The following MAST4 variants were observed in gnomAD, a reference collection of about 807,000 sequenced individuals.
MAST4 encodes microtubule-associated serine/threonine-protein kinase 4.
MAST4 carries 89 observed loss-of-function variants against 162.7 expected under a neutral mutation model. That is an observed-to-expected ratio of 0.55 (90% CI 0.46 to 0.65). The LOEUF (loss-of-function observed/expected upper bound fraction) is 0.65. Ranked by LOEUF, MAST4 falls within the 30% of genes least tolerant of loss-of-function variation. The pLI, the probability that MAST4 is intolerant of heterozygous loss-of-function variation, is 0.00. For synonymous variants in MAST4, 1,479 were observed against 1,361.1 expected, an observed-to-expected ratio of 1.09 and a Z score of -1.91; for missense variants, 3,153 against 3,374.0, an observed-to-expected ratio of 0.93 and a Z score of 1.62.
rs192336661 is a variant in MAST4 at position 66,856,309 on chromosome 5, G to C, written c.643-43642G>C. ...ATGCAGGCCTCCCTGACTCCCGATT[G>C]TGTGGTGTAGGTGTCAGCTGCACTT... On this transcript the variant is annotated intron_variant, in intron 3 of 28. Transcript: ENST00000403625. Among the ~76,000 whole-genome samples the C allele has an allele frequency of 5.8e-4, 88 of 152,358 alleles. 1 individual carries two copies. The East Asian group carries it at 0.015, about 25-fold the overall frequency.
intron 1 of MAST4, among the ~76,000 whole-genome samples, chr5:66,607,445 G>A (rs1742965638): frequency 6.6e-6 from 1 of 152,152 alleles, no homozygotes; most frequent in Admixed American, 6.5e-5. Flanking sequence ...GTTGTATTCT[G>A]CCAGGATAAT....
intron 18 of MAST4, among the ~76,000 whole-genome samples, 190 bp downstream of exon 18, chr5:67,134,878 T>C (rs982245325): frequency 1.3e-5 from 2 of 152,138 alleles, no homozygotes. Flanking sequence ...TTGTTGAAAA[T>C]TGATCTGAAG....
At chr5:67,133,744 C>T in intron 17 of MAST4, 98 bp downstream of exon 17, 1 of 1,344,948 alleles carries the variant, frequency 7.4e-7, no homozygotes, top group Non-Finnish European at 1.0e-6. Flanking sequence ...CACATTAGTG[C>T]TGGTGGTTTA....
intron 1 of MAST4, among the ~76,000 whole-genome samples, chr5:66,609,974 AC>A (rs1743186173): frequency 6.6e-6 from 1 of 152,028 alleles, no homozygotes; most frequent in African/African-American, 2.4e-5. Context: ...TTATTGTCTC[AC>A]AGTTCTGGTG....
At chr5:66,750,936 C>T (rs569457121) in intron 1 of MAST4, among the ~76,000 whole-genome samples, 3 of 152,346 alleles carry the variant, frequency 2.0e-5, no homozygotes, top group Admixed American at 1.3e-4. Context: ...TCCCAGCATG[C>T]AGCTGGAGAT....
chr5:67,011,156 G>A (rs1360626147), intron 4 of MAST4, among the ~76,000 whole-genome samples: 1 of 152,008 alleles, frequency 6.6e-6, no homozygotes, highest in African/African-American at 2.4e-5. Context: ...TTCTCTTACT[G>A]TAAAGCCCTG....
At chr5:66,599,918 GGT>G (rs58314259) in intron 1 of MAST4, among the ~76,000 whole-genome samples, 71 of 149,872 alleles carry the variant, frequency 4.7e-4, no homozygotes, top group South Asian at 8.5e-4. Context: ...TTTCTAAAGG[GGT>G]GTGTGTGTGT....
Position 67,165,843 on chromosome 5 carries a change from A to G in MAST4, c.6664A>G (p.Thr2222Ala). 6.2e-7 allele frequency: 1 copy of G among 1,613,128 alleles called. No individual in the cohort carries two copies. Among genetic ancestry groups the G allele is most frequent in the Non-Finnish European group, 8.5e-7 (1 of 1,179,876 alleles). ...LSSQKPSVGATKGKEPATQSL... is the reference protein window; with the variant it reads ...LSSQKPSVGAAKGKEPATQSL... Reference sequence around the variant, plus strand: ...CTCTCAGAAACCAAGTGTCGGGGCCACAAAGGGCAAAGAGCCTGCCACTCA... The same window carrying G: ...CTCTCAGAAACCAAGTGTCGGGGCCGCAAAGGGCAAAGAGCCTGCCACTCA... The change falls in exon 29 of 29, where the codon ACA becomes GCA. Residue 2222 changes from threonine (T) to alanine (A), a missense_variant. Physicochemically the swap from Thr to Ala is moderately conservative, Grantham distance 58. Coordinates refer to ENST00000403625, the MANE Select transcript of MAST4 (RefSeq NM_001164664.2).
At position 66,704,995 on chromosome 5, in the gene MAST4, C is replaced by A. The variant is rs1355897102; in HGVS notation, c.364-54714C>A. Among the ~76,000 whole-genome samples, 5 of 152,236 alleles carry A rather than the reference C, an allele frequency of 3.3e-5. No individual in the cohort carries two copies. In the East Asian group the frequency reaches 7.7e-4, roughly 23 times the overall value. ...CAGGAGAGTTTTTGTTCTTCCTGGC[C>A]TGGGATCAAGCTGTGAATGTTAGGT... On this transcript the variant is annotated intron_variant, in intron 1 of 28. Coordinates refer to ENST00000403625, the MANE Select transcript of MAST4 (RefSeq NM_001164664.2).
chr5:67,078,936 ATATATATATATATATG>A (rs1277008406), intron 5 of MAST4, among the ~76,000 whole-genome samples: 4,475 of 101,300 alleles, frequency 0.044, 352 homozygotes, highest in East Asian at 0.2. Flanking sequence ...ATATATATAT[ATATATATATATATATG>A]GCAATCTGAT....
chr5:66,648,034 ATGTGTGTGTG>A (rs745965169), intron 1 of MAST4, among the ~76,000 whole-genome samples: 1,695 of 119,050 alleles, frequency 0.014, 20 homozygotes, highest in African/African-American at 0.034. Flanking sequence ...GTGTTAGGTA[ATGTGTGTGTG>A]TGTGTGTGTG....
chr5:66,858,964 A>G (rs182476556), intron 3 of MAST4, among the ~76,000 whole-genome samples: 113 of 152,174 alleles, frequency 7.4e-4, no homozygotes, highest in South Asian at 1.2e-3. Flanking sequence ...GTTGGTTATT[A>G]CTAGTATATA....
chr5:66,606,606 G>C (rs868551833), intron 1 of MAST4, among the ~76,000 whole-genome samples: 2 of 152,136 alleles, frequency 1.3e-5, no homozygotes, highest in Non-Finnish European at 2.9e-5. Context: ...TTGCATATAT[G>C]TTGTTAATAT....
At position 66,640,260 on chromosome 5, in the gene MAST4, C is replaced by T. The variant is rs1355334125; in HGVS notation, c.363+43242C>T. ...AATGGCAGAATCTCTTTCTTGAGGGCTAATATTCCACTATTTGTGTAGATA... is the reference window on the plus strand; with the variant it reads ...AATGGCAGAATCTCTTTCTTGAGGGTTAATATTCCACTATTTGTGTAGATA... On this transcript the variant is annotated intron_variant, in intron 1 of 28. Transcript: ENST00000403625. 4.6e-5 allele frequency among the ~76,000 whole-genome samples: 7 copies of T among 151,732 alleles called. No individual in the cohort carries two copies. In the South Asian group the frequency reaches 8.3e-4, roughly 18 times the overall value.
At chr5:66,701,673 A>G (rs1175840061) in intron 1 of MAST4, among the ~76,000 whole-genome samples, 1 of 152,206 alleles carries the variant, frequency 6.6e-6, no homozygotes, top group Non-Finnish European at 1.5e-5. Context: ...ATCATGGAAA[A>G]AGTCGTGCAT....
intron 4 of MAST4, 86 bp from the exon 5 acceptor site, chr5:67,054,318 A>G (rs1163773349): frequency 5.3e-6 from 6 of 1,131,986 alleles, no homozygotes; most frequent in Admixed American, 2.6e-5. Context: ...AGGTTGCTCA[A>G]CCTGGTCCAT....
At chr5:66,861,126 T>C (rs1310497789) in intron 3 of MAST4, among the ~76,000 whole-genome samples, 2 of 152,240 alleles carry the variant, frequency 1.3e-5, no homozygotes, top group Non-Finnish European at 2.9e-5. Context: ...ATGTGATTTA[T>C]TTCGGTGAAG....
chr5:66,755,015 G>GA (rs1282642970), intron 1 of MAST4, among the ~76,000 whole-genome samples: 1 of 152,158 alleles, frequency 6.6e-6, no homozygotes, highest in Non-Finnish European at 1.5e-5. Context: ...CAGGAGCTGG[G>GA]ACTAGAGAGA....
Position 67,165,037 on chromosome 5 carries a change from C to T in MAST4, c.5858C>T (p.Pro1953Leu), listed in dbSNP as rs1256216337. Residue 1953 changes from proline (P) to leucine (L), a missense_variant, in exon 29 of 29, where the codon CCA becomes CTA. Transcript: ENST00000403625. Reference sequence around the variant, plus strand: ...CTCCACAGCCCTGACCTGGCCAGGCCACGCTGCCCGCTCCCACCTGAAGCT... The same window carrying T: ...CTCCACAGCCCTGACCTGGCCAGGCTACGCTGCCCGCTCCCACCTGAAGCT... ...QNLHSPDLAR[P>L]RCPLPPEASP... 1 of 1,610,040 alleles carries T rather than the reference C, an allele frequency of 6.2e-7. No homozygotes were observed. Among genetic ancestry groups the T allele is most frequent in the South Asian group, 1.1e-5 (1 of 90,486 alleles).
Sources: allele counts gnomAD v4.1 joint callset (sites outside exome capture counted in the v4.1 genomes callset), GRCh38; gene constraint gnomAD v4.1.1; transcripts MANE v1.5; gene names NCBI Gene and HGNC (gene_info 2026-07-23, HGNC 2026-07-21).